HLCS: variants seen among roughly 807,000 people sequenced by gnomAD.
HLCS encodes biotin--protein ligase.
Under a neutral mutation model 75.0 loss-of-function variants are expected in HLCS, and 53 were observed. The ratio of observed to expected loss-of-function variants is 0.71; its 90% CI spans 0.57 to 0.89. The LOEUF is 0.89. Among genes scored for constraint, HLCS ranks in the 40% least tolerant of loss-of-function variants. HLCS has a pLI of 0.00. For synonymous variants in HLCS, 431 were observed against 428.6 expected (o/e 1.01, Z -0.07); for missense variants, 966 against 1,074.0 (o/e 0.90, Z 1.41).
At chr21:36,893,593 T>C (rs989341209) in intron 6 of HLCS, among the ~76,000 whole-genome samples, 5 of 152,162 alleles carry the variant, frequency 3.3e-5, no homozygotes, top group African/African-American at 1.2e-4. Flanking sequence ...ATGAAACTGC[T>C]CCACCTCAGA....
rs2063438092 is a variant in HLCS at position 36,863,072 on chromosome 21, T to G, written c.1892+33788A>C. ...CACTGAGCCTGGCTTCACCATTTCT[T>G]AATTGCTACAAATTCCCCAAATCCC... On this transcript the variant is annotated intron_variant, in intron 6 of 10. Transcript: ENST00000674895. Among the ~76,000 whole-genome samples the G allele has an allele frequency of 2.0e-5, 3 of 152,076 alleles. No individual in the cohort carries two copies. In the South Asian group the frequency reaches 6.2e-4, roughly 32 times the overall value.
At chr21:36,958,451 A>G (rs1056115017) in intron 2 of HLCS, among the ~76,000 whole-genome samples, 4 of 152,236 alleles carry the variant, frequency 2.6e-5, no homozygotes, top group African/African-American at 7.2e-5. Flanking sequence ...TAGAAAGGAT[A>G]GAAGCATTGG....
chr21:36,907,041 A>C (rs2065489083), intron 5 of HLCS, among the ~76,000 whole-genome samples: 1 of 152,146 alleles, frequency 6.6e-6, no homozygotes, highest in South Asian at 2.1e-4. Flanking sequence ...TGTTTGATTG[A>C]TTTTTGACAA....
At chr21:36,843,834 C>T (rs1601481611) in intron 6 of HLCS, among the ~76,000 whole-genome samples, 1 of 152,028 alleles carries the variant, frequency 6.6e-6, no homozygotes, top group African/African-American at 2.4e-5. Context: ...AGAGAGACCC[C>T]GTCACTATGA....
chr21:36,756,303 C>T (rs971375283), intron 10 of HLCS, among the ~76,000 whole-genome samples: 18 of 151,842 alleles, frequency 1.2e-4, no homozygotes, highest in Middle Eastern at 3.4e-3. Context: ...CCGGGTGTGG[C>T]GGCGGGCACC....
chr21:36,939,771 G>A (rs971029036), intron 2 of HLCS, among the ~76,000 whole-genome samples: 2 of 152,188 alleles, frequency 1.3e-5, no homozygotes, highest in African/African-American at 2.4e-5. Flanking sequence ...TGAAGAGCCC[G>A]GCGCTGCAGT....
At chr21:36,871,293 C>T (rs544136543) in intron 6 of HLCS, among the ~76,000 whole-genome samples, 13 of 152,248 alleles carry the variant, frequency 8.5e-5, no homozygotes, top group South Asian at 4.2e-4. Context: ...AATTTTGGTA[C>T]TTAGAGTACC....
At chr21:36,763,366 A>C (rs2089920422) in intron 8 of HLCS, among the ~76,000 whole-genome samples, 1 of 152,214 alleles carries the variant, frequency 6.6e-6, no homozygotes, top group African/African-American at 2.4e-5. Flanking sequence ...CAGGTGCTCA[A>C]GGCCGGGCAC....
intron 5 of HLCS, among the ~76,000 whole-genome samples, chr21:36,929,657 A>G (rs1225769990): frequency 6.6e-6 from 1 of 152,206 alleles, no homozygotes; most frequent in East Asian, 1.9e-4. Flanking sequence ...ATTTGTCACA[A>G]TGACTATGAA....
chr21:36,794,810 G>A (rs1236147981), intron 6 of HLCS, among the ~76,000 whole-genome samples: 1 of 152,112 alleles, frequency 6.6e-6, no homozygotes, highest in Non-Finnish European at 1.5e-5. Context: ...GCTCCTGAAA[G>A]GAAGATGGAG....
intron 5 of HLCS, among the ~76,000 whole-genome samples, chr21:36,898,552 T>A (rs912507301): frequency 3.3e-5 from 5 of 151,480 alleles, no homozygotes; most frequent in Non-Finnish European, 5.9e-5. Flanking sequence ...CTAGTCAATG[T>A]CACGGTGGAG....
intron 6 of HLCS, among the ~76,000 whole-genome samples, chr21:36,880,496 CA>C (rs932638995): frequency 1.6e-4 from 23 of 143,324 alleles, no homozygotes; most frequent in East Asian, 2.0e-4. Flanking sequence ...TCACAGAATG[CA>C]AAAAAAAAAA....
intron 5 of HLCS, among the ~76,000 whole-genome samples, chr21:36,916,290 A>T (rs1422216810): frequency 6.6e-6 from 1 of 152,094 alleles, no homozygotes; most frequent in Non-Finnish European, 1.5e-5. Flanking sequence ...CCCTTTGTTG[A>T]GTATAAAAGA....
chr21:36,916,869 C>T (rs1331828765), intron 5 of HLCS, among the ~76,000 whole-genome samples: 2 of 152,136 alleles, frequency 1.3e-5, no homozygotes, highest in African/African-American at 2.4e-5. Context: ...AAACTAGAGC[C>T]GTTCTCCTGG....
chr21:36,767,099 A>C, intron 7 of HLCS, 119 bp downstream of exon 7: 1 of 960,544 alleles, frequency 1.0e-6, no homozygotes, highest in South Asian at 1.3e-5. Flanking sequence ...ATGAAAACAG[A>C]ATCTACTAAC....
chr21:36,923,895 G>A (rs2066285870), intron 5 of HLCS, among the ~76,000 whole-genome samples: 1 of 152,130 alleles, frequency 6.6e-6, no homozygotes. Flanking sequence ...AGAAAGAAAC[G>A]AGAGAAAGAG....
At chr21:36,973,527 G>A (rs2068852020) in intron 1 of HLCS, 1 of 152,144 alleles carries the variant, frequency 6.6e-6, no homozygotes, top group Non-Finnish European at 1.5e-5. Context: ...TCAAGCCCTG[G>A]AATTCTGGGC....
At chr21:36,920,966 C>A (rs1444557685) in intron 5 of HLCS, among the ~76,000 whole-genome samples, 1 of 151,906 alleles carries the variant, frequency 6.6e-6, no homozygotes, top group Non-Finnish European at 1.5e-5. Context: ...TTTGATGTTT[C>A]TTTTAAAAGG....
intron 2 of HLCS, among the ~76,000 whole-genome samples, chr21:36,956,910 G>A (rs545512067): frequency 1.0e-3 from 154 of 151,892 alleles, no homozygotes; most frequent in Non-Finnish European, 1.7e-3. Flanking sequence ...AAAATTAGCC[G>A]GGTATGGTGG....
Sources: gnomAD v4.1 joint callset for allele counts (sites outside exome capture counted in the v4.1 genomes callset) on GRCh38, gnomAD v4.1.1 for gene constraint, MANE v1.5 for transcripts, NCBI Gene and HGNC (gene_info 2026-07-23, HGNC 2026-07-21) for gene names.